Variants in CPNE5 observed in about 807,000 individuals in gnomAD.
The protein encoded by CPNE5 is copine-5.
CPNE5 carries 42 observed loss-of-function variants against 81.1 expected under a neutral mutation model. That is an observed-to-expected ratio of 0.52 (90% CI 0.40 to 0.67). The LOEUF (loss-of-function observed/expected upper bound fraction) is 0.67. Among genes scored for constraint, CPNE5 ranks in the 30% least tolerant of loss-of-function variants. The probability of loss-of-function intolerance (pLI) is 0.00; values close to 1 mark genes in which losing one functional copy is unlikely to be tolerated. For missense variants in CPNE5, 612 were observed against 815.5 expected, an observed-to-expected ratio of 0.75 and a Z score of 3.04; for synonymous variants, 313 against 321.5, an observed-to-expected ratio of 0.97 and a Z score of 0.28.
intron 4 of CPNE5, among the ~76,000 whole-genome samples, chr6:36,798,733 T>C (rs192339472): frequency 1.3e-3 from 194 of 152,092 alleles, no homozygotes; most frequent in African/African-American, 4.6e-3. Flanking sequence ...CATCGTGGAG[T>C]AGGCACAAAG....
chr6:36,822,082 G>A (rs933644010), intron 3 of CPNE5, 32 bp downstream of exon 3: 23 of 1,513,814 alleles, frequency 1.5e-5, no homozygotes, highest in Non-Finnish European at 1.8e-5. Flanking sequence ...GAACAGGCTG[G>A]TGTTTCTGGT....
intron 8 of CPNE5, among the ~76,000 whole-genome samples, chr6:36,784,981 C>CTGGA (rs2150486969): frequency 6.6e-6 from 1 of 152,028 alleles, no homozygotes; most frequent in South Asian, 2.1e-4. Flanking sequence ...ATGCCATTCC[C>CTGGA]ACCAGAAACA....
At chr6:36,831,092 T>C (rs236360) in intron 1 of CPNE5, among the ~76,000 whole-genome samples, 87,142 of 151,968 alleles carry the variant, frequency 0.57, 25,785 homozygotes, top group South Asian at 0.74. Context: ...TCTCACTCTG[T>C]TGCCCAGGCT....
chr6:36,770,690 C>G (rs146140662), intron 10 of CPNE5, among the ~76,000 whole-genome samples: 188 of 152,232 alleles, frequency 1.2e-3, no homozygotes, highest in East Asian at 2.1e-3. Flanking sequence ...TGGCCACCCC[C>G]CTCCTGGAGA....
chr6:36,825,983 A>T (rs1398961292), intron 1 of CPNE5, among the ~76,000 whole-genome samples: 1 of 152,010 alleles, frequency 6.6e-6, no homozygotes, highest in African/African-American at 2.4e-5. Flanking sequence ...ACCTTTCCCA[A>T]CTCCTTTACA....
At chr6:36,757,238 A>G in intron 12 of CPNE5, 1 of 770,806 alleles carries the variant, frequency 1.3e-6, no homozygotes. Flanking sequence ...GTCTAGGCAC[A>G]ACTTTTCCCT....
chr6:36,747,987 G>A (rs1764372179), intron 15 of CPNE5, among the ~76,000 whole-genome samples: 1 of 152,198 alleles, frequency 6.6e-6, no homozygotes, highest in East Asian at 1.9e-4. Flanking sequence ...AGGGAGACTG[G>A]GTGTTCCTCA....
intron 14 of CPNE5, among the ~76,000 whole-genome samples, chr6:36,748,570 C>A (rs1764448663): frequency 6.6e-6 from 1 of 152,124 alleles, no homozygotes; most frequent in Non-Finnish European, 1.5e-5. Context: ...CCCCCTGGGC[C>A]CACCTGTGTA....
At chr6:36,783,566 C>T (rs1338089883) in intron 8 of CPNE5, among the ~76,000 whole-genome samples, 3 of 152,066 alleles carry the variant, frequency 2.0e-5, no homozygotes, top group Admixed American at 6.6e-5. Context: ...TGCTGTGGTG[C>T]GATCTCCGCT....
intron 1 of CPNE5, among the ~76,000 whole-genome samples, chr6:36,824,439 C>T (rs1325798993): frequency 1.3e-5 from 2 of 152,206 alleles, no homozygotes; most frequent in African/African-American, 2.4e-5. Flanking sequence ...CCTGCCTGTG[C>T]GGCTACTCCT....
chr6:36,798,047 A>G, intron 6 of CPNE5, 118 bp downstream of exon 6: 1 of 739,308 alleles, frequency 1.4e-6, no homozygotes, highest in Non-Finnish European at 2.3e-6. Context: ...CTTTATTCCT[A>G]ATAACCCTGC....
In CPNE5 at chr6:36,784,283, T is replaced by C. The variant is rs73414293; in HGVS notation, c.529-5326A>G. On this transcript the variant is annotated intron_variant, in intron 8 of 20. Coordinates refer to ENST00000244751, the MANE Select transcript of CPNE5 (RefSeq NM_020939.2). ...GATCATCTGCATTGTTGCACCATTG[T>C]AGACTCCGTGGGGGATAAAACAGGC... Among the ~76,000 whole-genome samples the C allele has an allele frequency of 8.1e-4, 123 of 152,334 alleles. 1 individual carries two copies. Among genetic ancestry groups the C allele is most frequent in the African/African-American group, 2.7e-3 (112 of 41,578 alleles).
Position 36,839,361 on chromosome 6 carries a change from T to C in CPNE5, c.17A>G (p.Asp6Gly). Residue 6 changes from aspartate to glycine, a missense_variant, in exon 1 of 21, where the codon GAC (aspartate) becomes GGC (glycine). Transcript: ENST00000244751. This position sits in a 1 kb window ranked among gnomAD's most constrained non-coding sequence, Gnocchi z 7.3. MEQPE[D>G]MASLSEFDSL... is the part of the protein sequence containing the mutation. Reference sequence around the variant, plus strand: ...GTCGAACTCGCTCAGCGACGCCATGTCCTCAGGCTGCTCCATCGCCCACCG... The same window carrying C: ...GTCGAACTCGCTCAGCGACGCCATGCCCTCAGGCTGCTCCATCGCCCACCG... 1 of 1,550,882 alleles carries C rather than the reference T, an allele frequency of 6.4e-7. No homozygotes were observed. The highest frequency in any genetic ancestry group is 8.7e-7 in the Non-Finnish European group (1 of 1,146,484).
chr6:36,825,063 G>A (rs1469160557), intron 1 of CPNE5, among the ~76,000 whole-genome samples: 1 of 152,174 alleles, frequency 6.6e-6, no homozygotes, highest in East Asian at 1.9e-4. Flanking sequence ...GGGCGACCGT[G>A]GCCCACAGCA....
chr6:36,836,789 G>A (rs1304140436), intron 1 of CPNE5, among the ~76,000 whole-genome samples: 1 of 151,882 alleles, frequency 6.6e-6, no homozygotes, highest in East Asian at 1.9e-4. Flanking sequence ...CTGAATAGTT[G>A]GGCCTGGCTG....
In CPNE5 at chr6:36,744,292, C is replaced by T. The variant is rs760386224; in HGVS notation, c.1465G>A (p.Gly489Ser). 2 of 1,583,810 alleles carry T rather than the reference C, an allele frequency of 1.3e-6. No individual in the cohort carries two copies. Among genetic ancestry groups the T allele is most frequent in the Non-Finnish European group, 8.6e-7 (1 of 1,165,696 alleles). ...AKLPMSIIIV[G>S]VGQAEFDAMV... ...CCGTCGAACTCTGCCTGGCCCACGC[C>T]GACGATAATGATGGACATGGGGAGC... Residue 489 changes from glycine to serine, a missense_variant, in exon 19 of 21, where the codon GGC (glycine) becomes AGC (serine). Coordinates refer to ENST00000244751, the MANE Select transcript of CPNE5 (RefSeq NM_020939.2).
At chr6:36,807,144 G>T (rs976757695) in intron 3 of CPNE5, among the ~76,000 whole-genome samples, 11 of 152,186 alleles carry the variant, frequency 7.2e-5, no homozygotes, top group African/African-American at 2.7e-4. Flanking sequence ...TTTCTCAGAG[G>T]GAAGCACGTC....
At chr6:36,826,701 C>T (rs1017817219) in intron 1 of CPNE5, among the ~76,000 whole-genome samples, 8 of 152,192 alleles carry the variant, frequency 5.3e-5, no homozygotes, top group Non-Finnish European at 7.3e-5. Flanking sequence ...GGATGAAGGA[C>T]GACCAAAAAG....
At position 36,746,323 on chromosome 6, in the gene CPNE5, GT is replaced by G. The variant is rs1429889050; in HGVS notation, c.1200+72del. ...TCCCCGGGCTCAGAGGAAGGGAAAC[GT>G]CCCCCCACCCCCAGCTTGTCACCTC... On this transcript the variant is annotated intron_variant, in intron 16 of 20. Coordinates refer to ENST00000244751, the MANE Select transcript of CPNE5 (RefSeq NM_020939.2). The surrounding 1 kb of genome is among the most constrained non-coding windows in gnomAD (Gnocchi z 4.5). 9 of 1,417,218 alleles carry G rather than the reference GT, an allele frequency of 6.4e-6. No homozygotes were observed. Among genetic ancestry groups the G allele is most frequent in the Non-Finnish European group, 6.6e-6 (7 of 1,068,428 alleles). 87.8% of individuals were successfully genotyped at this position (1,417,218 alleles called of 1,614,324 possible).
Sources: gnomAD v4.1 joint callset for allele counts (sites outside exome capture counted in the v4.1 genomes callset) on GRCh38, gnomAD v4.1.1 for gene constraint, Gnocchi (gnomAD v3.1) non-coding constraint, MANE v1.5 for transcripts, NCBI Gene and HGNC (gene_info 2026-07-23, HGNC 2026-07-21) for gene names.